PAX7: variants seen among roughly 807,000 people sequenced by gnomAD.
PAX7 encodes the protein paired box 7.
Under a neutral mutation model 50.7 loss-of-function variants are expected in PAX7, and 18 were observed. The observed-to-expected ratio is 0.36, with a 90% confidence interval of 0.25 to 0.53. The LOEUF (loss-of-function observed/expected upper bound fraction) is 0.53, where lower values mean the gene tolerates loss of function less well. Ranked by LOEUF, PAX7 falls within the 20% of genes least tolerant of loss-of-function variation. PAX7 has a pLI of 0.93. For missense variants in PAX7, 644 were observed against 702.9 expected (o/e 0.92, Z 0.95); for synonymous variants, 310 against 290.4 (o/e 1.07, Z -0.69).
chr1:18,708,097 C>A (rs897257583), intron 7 of PAX7, among the ~76,000 whole-genome samples: 1 of 152,136 alleles, frequency 6.6e-6, no homozygotes, highest in Non-Finnish European at 1.5e-5. Context: ...GCTTTGTGCA[C>A]TGGGTCCTTC....
intron 8 of PAX7, 121 bp from the exon 9 acceptor site, chr1:18,744,693 G>GATGGATAA (rs1553145059): frequency 0.032 from 10,620 of 334,804 alleles, 127 homozygotes; most frequent in South Asian, 0.065. Flanking sequence ...TGGATAAATG[G>GATGGATAA]ATGGATGGAT....
At chr1:18,671,451 C>G (rs893471931) in intron 4 of PAX7, among the ~76,000 whole-genome samples, 14 of 152,190 alleles carry the variant, frequency 9.2e-5, no homozygotes, top group Admixed American at 5.9e-4. Flanking sequence ...AATTAGAGGG[C>G]AGACAGCCGA....
intron 7 of PAX7, among the ~76,000 whole-genome samples, chr1:18,711,402 C>T (rs1270780129): frequency 6.6e-6 from 1 of 152,176 alleles, no homozygotes; most frequent in African/African-American, 2.4e-5. Flanking sequence ...CCACCTCTGC[C>T]TCACTGCCAT....
chr1:18,744,698 A>ATGGATGGATAAAT (rs1931348583), intron 8 of PAX7, 116 bp from the exon 9 acceptor site: 2 of 558,062 alleles, frequency 3.6e-6, no homozygotes, highest in African/African-American at 8.0e-5. Context: ...AAATGGATGG[A>ATGGATGGATAAAT]TGGATGGATG....
Position 18,639,395 on chromosome 1 carries a change from A to ATT in PAX7, c.586+3034_586+3035dup, listed in dbSNP as rs3079731. On this transcript the variant is annotated intron_variant, in intron 4 of 8. Coordinates refer to ENST00000420770, the MANE Select transcript of PAX7 (RefSeq NM_001135254.2). ...GGCTGATATTCATGAGGCTGTTCAT[A>ATT]TTTTTTTTTTTGCTCTTATCCTTGT... 9.3e-3 allele frequency among the ~76,000 whole-genome samples: 1,387 copies of ATT among 149,310 alleles called. 12 individuals are homozygous for ATT. Among genetic ancestry groups the ATT allele is most frequent in the Middle Eastern group, 0.024 (7 of 290 alleles).
At chr1:18,705,895 A>G (rs375254533) in intron 7 of PAX7, among the ~76,000 whole-genome samples, 1 of 152,142 alleles carries the variant, frequency 6.6e-6, no homozygotes, top group East Asian at 1.9e-4. Flanking sequence ...GGCTCCCATC[A>G]AAGGTGTGAA....
intron 4 of PAX7, among the ~76,000 whole-genome samples, chr1:18,640,677 C>A (rs1026117260): frequency 2.6e-5 from 4 of 152,118 alleles, no homozygotes; most frequent in Admixed American, 6.5e-5. Flanking sequence ...AGAGTCCAGG[C>A]GGGATTTGAA....
At chr1:18,683,359 A>C (rs2088926174) in intron 4 of PAX7, among the ~76,000 whole-genome samples, 1 of 152,220 alleles carries the variant, frequency 6.6e-6, no homozygotes, top group African/African-American at 2.4e-5. Flanking sequence ...TTCTTTGAAC[A>C]TTCAGTTGTT....
intron 4 of PAX7, among the ~76,000 whole-genome samples, chr1:18,676,690 T>G (rs1454144423): frequency 6.6e-6 from 1 of 152,210 alleles, no homozygotes; most frequent in Admixed American, 6.5e-5. Flanking sequence ...CAGGGTGTCC[T>G]GTAGCTCATG....
chr1:18,647,541 C>T (rs916867705), intron 4 of PAX7, among the ~76,000 whole-genome samples: 1 of 151,914 alleles, frequency 6.6e-6, no homozygotes, highest in Non-Finnish European at 1.5e-5. Context: ...AAGAGGAGGA[C>T]CCTGGATTCT....
intron 7 of PAX7, among the ~76,000 whole-genome samples, chr1:18,711,208 G>A (rs2089347289): frequency 6.6e-6 from 1 of 152,172 alleles, no homozygotes; most frequent in South Asian, 2.1e-4. Flanking sequence ...ATTGCTGTGT[G>A]GCCCTGGCAC....
chr1:18,687,835 G>A (rs933664790), intron 4 of PAX7, among the ~76,000 whole-genome samples: 1 of 152,040 alleles, frequency 6.6e-6, no homozygotes, highest in Non-Finnish European at 1.5e-5. Flanking sequence ...CCCCAGTCTG[G>A]GCTTCGGTCT....
chr1:18,644,227 C>T (rs2088304605), intron 4 of PAX7, among the ~76,000 whole-genome samples: 1 of 152,216 alleles, frequency 6.6e-6, no homozygotes, highest in African/African-American at 2.4e-5. Context: ...CCTCCTCCGA[C>T]CGCCTTGCTC....
rs546148612 is a variant in PAX7, at chr1:18,638,754, T to C, written c.586+2383T>C. ...ATGGTGCAGATGAGAGAGGGCCATC[T>C]ATCCATCTGTGAGCAAATTGTATCC... is the stretch of plus-strand genomic sequence containing the variant. On this transcript the variant is annotated intron_variant, in intron 4 of 8. Coordinates refer to ENST00000420770, the MANE Select transcript of PAX7 (RefSeq NM_001135254.2). 2.6e-4 allele frequency among the ~76,000 whole-genome samples: 40 copies of C among 152,320 alleles called. 1 individual carries two copies. The highest frequency in any genetic ancestry group is 9.4e-4 in the African/African-American group (39 of 41,576).
At chr1:18,671,916 G>T (rs1332445703) in intron 4 of PAX7, among the ~76,000 whole-genome samples, 1 of 151,936 alleles carries the variant, frequency 6.6e-6, no homozygotes, top group Non-Finnish European at 1.5e-5. Flanking sequence ...GTTAGAGGCT[G>T]CACTGAGCTA....
At chr1:18,660,072 C>G (rs2088579644) in intron 4 of PAX7, among the ~76,000 whole-genome samples, 1 of 152,144 alleles carries the variant, frequency 6.6e-6, no homozygotes, top group Non-Finnish European at 1.5e-5. Context: ...AATTGGAGCC[C>G]AGTGGCTGGA....
At chr1:18,665,622 C>G (rs1272274134) in intron 4 of PAX7, among the ~76,000 whole-genome samples, 1 of 151,722 alleles carries the variant, frequency 6.6e-6, no homozygotes, top group African/African-American at 2.4e-5. Context: ...ATCCACCTGC[C>G]TCACCCTCCC....
At chr1:18,712,606 C>G (rs115541123) in intron 7 of PAX7, among the ~76,000 whole-genome samples, 2 of 152,278 alleles carry the variant, frequency 1.3e-5, no homozygotes, top group African/African-American at 2.4e-5. Flanking sequence ...AACTGGGAGG[C>G]CTGGCGGATT....
At chr1:18,713,358 C>T (rs1489686676) in intron 7 of PAX7, among the ~76,000 whole-genome samples, 1 of 152,142 alleles carries the variant, frequency 6.6e-6, no homozygotes, top group Non-Finnish European at 1.5e-5. Flanking sequence ...CTTGGTGTGA[C>T]ACTTGTATTA....
Sources: gnomAD v4.1 joint callset for allele counts (sites outside exome capture counted in the v4.1 genomes callset) on GRCh38, gnomAD v4.1.1 for gene constraint, MANE v1.5 for transcripts, NCBI Gene and HGNC (gene_info 2026-07-23, HGNC 2026-07-21) for gene names.